The following SCTR variants were observed in gnomAD, a reference collection of about 807,000 sequenced individuals.
The protein encoded by SCTR is pancreatic secretin receptor.
Under a neutral mutation model 60.8 loss-of-function variants are expected in SCTR, and 56 were observed. The observed-to-expected ratio is 0.92, with a 90% CI of 0.74 to 1.15. The LOEUF (loss-of-function observed/expected upper bound fraction) is 1.15, where lower values mean the gene tolerates loss of function less well. SCTR is among the 50% of genes most tolerant of loss of function. SCTR has a pLI of 0.00. For synonymous variants in SCTR, 202 were observed against 217.0 expected (o/e 0.93, Z 0.61); for missense variants, 562 against 550.4 (o/e 1.02, Z -0.21).
intron 1 of SCTR, among the ~76,000 whole-genome samples, chr2:119,516,907 G>T (rs961118056): frequency 2.6e-5 from 4 of 152,168 alleles, no homozygotes; most frequent in African/African-American, 9.7e-5. Flanking sequence ...GGCAGAGGTT[G>T]CAGTGAGCTG....
At chr2:119,450,278 T>C (rs1683112474) in intron 9 of SCTR, among the ~76,000 whole-genome samples, 1 of 151,972 alleles carries the variant, frequency 6.6e-6, no homozygotes, top group Non-Finnish European at 1.5e-5. Context: ...GCATCAGGAG[T>C]GCTCATCCAA....
At chr2:119,493,490 C>T (rs1021811812) in intron 2 of SCTR, among the ~76,000 whole-genome samples, 1 of 152,096 alleles carries the variant, frequency 6.6e-6, no homozygotes, top group Non-Finnish European at 1.5e-5. Flanking sequence ...ATAAAGTTAA[C>T]ATTTAAATAT....
At chr2:119,450,058 GAAAA>G (rs756658188) in intron 9 of SCTR, among the ~76,000 whole-genome samples, 5,235 of 120,434 alleles carry the variant, frequency 0.043, 147 homozygotes, top group Non-Finnish European at 0.062. Context: ...AAAAAAGAAA[GAAAA>G]AGAAAGAAAG....
At chr2:119,483,685 A>G (rs189204241) in intron 2 of SCTR, among the ~76,000 whole-genome samples, 288 of 152,316 alleles carry the variant, frequency 1.9e-3, no homozygotes, top group African/African-American at 6.7e-3. Flanking sequence ...ACATTATAAA[A>G]CTAGCATATC....
At chr2:119,473,633 T>G (rs113177007) in intron 3 of SCTR, 77 bp from the exon 4 acceptor site, 1 of 921,706 alleles carries the variant, frequency 1.1e-6, no homozygotes, top group South Asian at 1.3e-5. Context: ...TATTGTAACA[T>G]GTAGCTGCTA....
Position 119,451,463 on chromosome 2 carries a change from G to T in SCTR, c.921+547C>A, listed in dbSNP as rs181984375. The stretch of plus-strand genomic sequence containing the variant: ...CAGGTGATTCAAAAGGGCCACCAGG[G>T]TTGACACTCACAAGCTCCTGTCCAA... On this transcript the variant is annotated intron_variant, in intron 9 of 12. Transcript: ENST00000019103. Among the ~76,000 whole-genome samples, 18 of 152,274 alleles carry T rather than the reference G, an allele frequency of 1.2e-4. No individual in the cohort carries two copies. The East Asian group carries it at 2.9e-3, about 24-fold the overall frequency.
intron 1 of SCTR, among the ~76,000 whole-genome samples, chr2:119,518,831 C>T (rs1306630957): frequency 6.6e-6 from 1 of 152,106 alleles, no homozygotes; most frequent in Non-Finnish European, 1.5e-5. Flanking sequence ...AAGGGGGTGC[C>T]AGGAAGAGAG....
At chr2:119,485,991 G>C (rs1390477087) in intron 2 of SCTR, 1 of 151,948 alleles carries the variant, frequency 6.6e-6, no homozygotes, top group Non-Finnish European at 1.5e-5. Context: ...CTAATGACTT[G>C]ACCTACAGTC....
chr2:119,444,393 A>ACATATATGTATGAATATATATACC (rs1558831132), intron 11 of SCTR, among the ~76,000 whole-genome samples: 1 of 144,798 alleles, frequency 6.9e-6, no homozygotes, highest in African/African-American at 2.6e-5. Context: ...ATATATATAC[A>ACATATATGTATGAATATATATACC]CATATACGTA....
intron 4 of SCTR, among the ~76,000 whole-genome samples, chr2:119,468,632 C>T (rs1038271588): frequency 6.6e-6 from 1 of 152,108 alleles, no homozygotes; most frequent in East Asian, 1.9e-4. Context: ...AATGAGTCAG[C>T]GGTTTGAGAT....
At chr2:119,451,573 C>A (rs888950050) in intron 9 of SCTR, among the ~76,000 whole-genome samples, 1 of 152,162 alleles carries the variant, frequency 6.6e-6, no homozygotes, top group Admixed American at 6.5e-5. Flanking sequence ...AGACCATGAC[C>A]CCACTGAGCT....
chr2:119,466,117 A>G (rs1683824456), intron 4 of SCTR, among the ~76,000 whole-genome samples: 1 of 152,038 alleles, frequency 6.6e-6, no homozygotes, highest in African/African-American at 2.4e-5. Context: ...ATTGATGCCA[A>G]TTCAAACTTC....
intron 12 of SCTR, among the ~76,000 whole-genome samples, chr2:119,440,795 C>G (rs565942963): frequency 2.6e-5 from 4 of 152,334 alleles, no homozygotes; most frequent in African/African-American, 9.6e-5. Flanking sequence ...AAGCTCAGAA[C>G]TGATCTGGGA....
intron 12 of SCTR, 48 bp downstream of exon 12, chr2:119,441,510 A>G (rs374215427): frequency 3.8e-5 from 58 of 1,514,100 alleles, no homozygotes; most frequent in South Asian, 2.1e-4. Flanking sequence ...CCCGGAAACC[A>G]ATGGCTAGGA....
intron 1 of SCTR, chr2:119,495,509 C>G (rs1678311491): frequency 1.3e-5 from 2 of 151,958 alleles, no homozygotes; most frequent in Non-Finnish European, 2.9e-5. Flanking sequence ...TCTGGAAATT[C>G]CAACATAATG....
intron 3 of SCTR, among the ~76,000 whole-genome samples, chr2:119,473,930 A>G (rs1472405071): frequency 6.6e-6 from 1 of 151,790 alleles, no homozygotes; most frequent in African/African-American, 2.4e-5. Context: ...TCCCATTTTT[A>G]CTCATCCTGC....
intron 1 of SCTR, among the ~76,000 whole-genome samples, chr2:119,513,707 T>G (rs1679025786): frequency 6.6e-6 from 1 of 152,216 alleles, no homozygotes; most frequent in Admixed American, 6.5e-5. Flanking sequence ...TTCACAGGCC[T>G]TCACCTCATT....
intron 2 of SCTR, among the ~76,000 whole-genome samples, chr2:119,481,124 G>T (rs1677581552): frequency 6.6e-6 from 1 of 152,232 alleles, no homozygotes; most frequent in African/African-American, 2.4e-5. Flanking sequence ...GGATTCAGGA[G>T]GTTGGACTAG....
intron 2 of SCTR, chr2:119,479,907 C>G (rs1441024044): frequency 6.6e-6 from 1 of 152,186 alleles, no homozygotes. Flanking sequence ...AAAAAAATTA[C>G]TAGGTGTTTT....
Sources: gnomAD v4.1 joint callset for allele counts (sites outside exome capture counted in the v4.1 genomes callset) on GRCh38, gnomAD v4.1.1 for gene constraint, MANE v1.5 for transcripts, NCBI Gene and HGNC (gene_info 2026-07-23, HGNC 2026-07-21) for gene names.